METTL16: variants seen among roughly 807,000 people sequenced by gnomAD.
The protein encoded by METTL16 is methyltransferase 16, RNA N6-adenosine.
METTL16 carries 19 observed loss-of-function variants against 57.9 expected under a neutral mutation model. That is an observed-to-expected ratio of 0.33 (90% CI 0.23 to 0.48). The LOEUF (loss-of-function observed/expected upper bound fraction) is 0.48, where lower values mean the gene tolerates loss of function less well. METTL16 is among the 20% of genes least tolerant of loss of function. METTL16 has a pLI of 0.99. For synonymous variants in METTL16, 246 were observed against 255.6 expected, an observed-to-expected ratio of 0.96 and a Z score of 0.36; for missense variants, 434 against 691.5, an observed-to-expected ratio of 0.63 and a Z score of 4.18.
intron 8 of METTL16, 131 bp from the exon 9 acceptor site, chr17:2,421,035 G>A (rs2066761798): frequency 4.0e-6 from 4 of 1,000,392 alleles, no homozygotes; most frequent in East Asian, 4.9e-5. Flanking sequence ...AACACAAAGG[G>A]TTTTGTGTGT....
intron 2 of METTL16, among the ~76,000 whole-genome samples, chr17:2,497,921 G>A (rs974466171): frequency 1.8e-4 from 28 of 151,744 alleles, no homozygotes; most frequent in African/African-American, 4.4e-4. Flanking sequence ...TAGGCCCGGC[G>A]CGGTGGCTCA....
Position 2,419,909 on chromosome 17 carries a change from A to AC in METTL16, c.*60dup, listed in dbSNP as rs1206095294. 1.3e-6 allele frequency: 2 copies of AC among 1,580,100 alleles called. No individual in the cohort carries two copies. The highest frequency in any genetic ancestry group is 4.5e-5 in the East Asian group (2 of 44,502). The stretch of plus-strand genomic sequence containing the variant: ...GGCCGCTGGTAGGATTCCTCTTGCC[A>AC]CCCCACAGGCCACTCCAAAGCAAGT... On this transcript the variant is annotated 3_prime_UTR_variant, in exon 10 of 10. Transcript: ENST00000263092.
At chr17:2,448,016 G>A (rs1451606121) in intron 6 of METTL16, among the ~76,000 whole-genome samples, 39 of 79,206 alleles carry the variant, frequency 4.9e-4, no homozygotes, top group East Asian at 1.0e-3. Context: ...CTGCCCGGCC[G>A]CCCCTACTGG....
At chr17:2,454,232 G>A (rs919717811) in intron 6 of METTL16, among the ~76,000 whole-genome samples, 2 of 152,060 alleles carry the variant, frequency 1.3e-5, no homozygotes, top group African/African-American at 2.4e-5. Flanking sequence ...ACTGGGGAAC[G>A]GTTATTTAGA....
chr17:2,491,657 C>T (rs762645989), intron 2 of METTL16, among the ~76,000 whole-genome samples: 19 of 151,908 alleles, frequency 1.3e-4, no homozygotes, highest in South Asian at 4.2e-4. Flanking sequence ...GGGTGAATCA[C>T]GAGGTCAGGA....
chr17:2,508,377 C>T (rs896603384), intron 1 of METTL16, among the ~76,000 whole-genome samples: 1 of 152,184 alleles, frequency 6.6e-6, no homozygotes, highest in African/African-American at 2.4e-5. Context: ...CTCAAAAATA[C>T]ATGTACAATA....
chr17:2,484,686 G>A (rs564358104), intron 2 of METTL16, among the ~76,000 whole-genome samples: 12 of 152,192 alleles, frequency 7.9e-5, no homozygotes, highest in Non-Finnish European at 7.4e-5. Flanking sequence ...TAGAGACGGG[G>A]TTTCGCCATG....
chr17:2,420,996 A>G lies in METTL16; in HGVS notation c.889-92T>C. The stretch of plus-strand genomic sequence containing the variant: ...AATGAACTCAGAGAAAATTTCCACA[A>G]CTTCTGCTACCAATCATAGAGCACT... On this transcript the variant is annotated intron_variant, in intron 8 of 9. Coordinates refer to ENST00000263092, the MANE Select transcript of METTL16 (RefSeq NM_024086.4). This position sits in a 1 kb window ranked among gnomAD's most constrained non-coding sequence, Gnocchi z 5.4. 7.3e-7 allele frequency: 1 copy of G among 1,364,678 alleles called. No individual in the cohort carries two copies. Among genetic ancestry groups the G allele is most frequent in the Non-Finnish European group, 1.0e-6 (1 of 985,960 alleles). 84.5% of individuals were successfully genotyped at this position (1,364,678 alleles called of 1,614,324 possible).
At chr17:2,461,302 A>G (rs531730370) in intron 6 of METTL16, among the ~76,000 whole-genome samples, 2 of 152,324 alleles carry the variant, frequency 1.3e-5, no homozygotes, top group African/African-American at 4.8e-5. Context: ...CAGAGGCTGC[A>G]GTGAGCCAAC....
intron 6 of METTL16, among the ~76,000 whole-genome samples, chr17:2,453,019 C>T (rs964053215): frequency 6.6e-6 from 1 of 152,120 alleles, no homozygotes; most frequent in African/African-American, 2.4e-5. Flanking sequence ...GCCACCACAA[C>T]AGGCTAATTT....
At chr17:2,445,580 G>C (rs970823221) in intron 6 of METTL16, among the ~76,000 whole-genome samples, 1 of 152,104 alleles carries the variant, frequency 6.6e-6, no homozygotes, top group Non-Finnish European at 1.5e-5. Context: ...GAGGTCAGGA[G>C]TTTGAGACCA....
chr17:2,452,109 C>T (rs967139536), intron 6 of METTL16, among the ~76,000 whole-genome samples: 11 of 147,276 alleles, frequency 7.5e-5, no homozygotes, highest in African/African-American at 1.5e-4. Flanking sequence ...TGCACCCCAG[C>T]CTGGATGACA....
chr17:2,484,843 G>C (rs563293864), intron 2 of METTL16, among the ~76,000 whole-genome samples: 2 of 152,264 alleles, frequency 1.3e-5, no homozygotes, highest in African/African-American at 4.8e-5. Context: ...GCCCGGTTTT[G>C]CCAGCTCTCT....
At chr17:2,448,800 TTTAAAA>T (rs1567889987) in intron 6 of METTL16, among the ~76,000 whole-genome samples, 94 of 64,288 alleles carry the variant, frequency 1.5e-3, no homozygotes, top group Middle Eastern at 0.01. Context: ...AAAAATAAAA[TTTAAAA>T]AAAAAAAAAA....
At chr17:2,432,662 A>G (rs2066882030) in intron 8 of METTL16, among the ~76,000 whole-genome samples, 1 of 152,180 alleles carries the variant, frequency 6.6e-6, no homozygotes, top group Non-Finnish European at 1.5e-5. Flanking sequence ...AAAACTTGCA[A>G]CTTCCGGCAT....
rs1226931871 is a variant in METTL16 at position 2,468,350 on chromosome 17, C to CT, written c.470-475dup. On this transcript the variant is annotated intron_variant, in intron 4 of 9. Transcript: ENST00000263092. The stretch of plus-strand genomic sequence containing the variant: ...CTGCATTTTAAGGACACTCAAATAG[C>CT]TTCATGGAGAGATCCACATGGCTAT... Among the ~76,000 whole-genome samples the CT allele has an allele frequency of 7.2e-5, 11 of 152,288 alleles. No homozygotes were observed. In the East Asian group the frequency reaches 2.1e-3, roughly 29 times the overall value.
intron 2 of METTL16, among the ~76,000 whole-genome samples, chr17:2,478,471 G>T (rs1293215220): frequency 6.6e-6 from 1 of 152,168 alleles, no homozygotes; most frequent in Non-Finnish European, 1.5e-5. Context: ...AATTTTAAAT[G>T]TAACTTTTTA....
chr17:2,447,456 G>A (rs1402839346), intron 6 of METTL16, among the ~76,000 whole-genome samples: 603 of 110,724 alleles, frequency 5.4e-3, no homozygotes, highest in African/African-American at 0.011. Context: ...GGTGGGGGGG[G>A]TCAGCCCCCC....
intron 8 of METTL16, among the ~76,000 whole-genome samples, chr17:2,423,261 G>GGGGTGTGTGT (rs1178930575): frequency 2.6e-4 from 38 of 143,706 alleles, no homozygotes; most frequent in Non-Finnish European, 4.3e-4. Context: ...AAAAACAAAG[G>GGGGTGTGTGT]GTGTGTGTGT....
Sources: gnomAD v4.1 joint callset for allele counts (sites outside exome capture counted in the v4.1 genomes callset) on GRCh38, gnomAD v4.1.1 for gene constraint, Gnocchi (gnomAD v3.1) non-coding constraint, MANE v1.5 for transcripts, NCBI Gene and HGNC (gene_info 2026-07-23, HGNC 2026-07-21) for gene names.